Variants in IKZF2 observed in about 807,000 individuals in gnomAD.
IKZF2 encodes the protein IKAROS family zinc finger 2.
Under a neutral mutation model 49.2 loss-of-function variants are expected in IKZF2, and 15 were observed. The ratio of observed to expected loss-of-function variants is 0.30; its 90% CI spans 0.20 to 0.47. The LOEUF (loss-of-function observed/expected upper bound fraction) is 0.47. Ranked by LOEUF, IKZF2 falls within the 20% of genes least tolerant of loss-of-function variation. The pLI is 1.00. For synonymous variants in IKZF2, 227 were observed against 221.4 expected (o/e 1.03, Z -0.23); for missense variants, 567 against 664.6 (o/e 0.85, Z 1.61).
intron 4 of IKZF2, among the ~76,000 whole-genome samples, chr2:213,077,390 T>A (rs1703384151): frequency 3.3e-5 from 5 of 152,124 alleles, no homozygotes; most frequent in Admixed American, 3.3e-4. Context: ...TTTTCTCTAA[T>A]AATTTATATT....
chr2:213,151,754 G>GGCGGGCA (rs2061288974), upstream of IKZF2: 1 of 147,106 alleles, frequency 6.8e-6, no homozygotes, highest in Non-Finnish European at 1.5e-5. Context: ...GGCGGCTGGC[G>GGCGGGCA]GCGGGCAGCG....
chr2:213,119,295 C>T (rs944099829), intron 4 of IKZF2, among the ~76,000 whole-genome samples: 2 of 152,140 alleles, frequency 1.3e-5, no homozygotes, highest in African/African-American at 4.8e-5. Context: ...ATCTGTATAA[C>T]CTTTGCTAGG....
At chr2:213,096,707 A>C (rs1042115836) in intron 4 of IKZF2, among the ~76,000 whole-genome samples, 3 of 152,002 alleles carry the variant, frequency 2.0e-5, no homozygotes, top group African/African-American at 4.8e-5. Flanking sequence ...TTAAAATTGA[A>C]GTCTCAAAGA....
Position 213,007,383 on chromosome 2 carries a change from G to T in IKZF2, c.1558C>A (p.Arg520=). ...GCCTAGTGGAATGTGTGCTCCCCTCGAACAATGTGTGATGAAAACTCATAA... is the reference window on the plus strand; with the variant it reads ...GCCTAGTGGAATGTGTGCTCCCCTCTAACAATGTGTGATGAAAACTCATAA... ...DRYEFSSHIV[R]GEHTFH The change falls in exon 9 of 9, where the codon CGA becomes AGA. Residue 520 remains arginine (R), a synonymous_variant. Coordinates refer to ENST00000434687, the MANE Select transcript of IKZF2 (RefSeq NM_001387220.1). 1.9e-6 allele frequency: 3 copies of T among 1,613,260 alleles called. No individual in the cohort carries two copies. The highest frequency in any genetic ancestry group is 2.5e-6 in the Non-Finnish European group (3 of 1,179,576).
At chr2:213,124,750 G>C (rs1274254568) in intron 4 of IKZF2, among the ~76,000 whole-genome samples, 1 of 152,160 alleles carries the variant, frequency 6.6e-6, no homozygotes, top group Non-Finnish European at 1.5e-5. Flanking sequence ...TCAAGGGTAG[G>C]CTTTGCCTAT....
chr2:213,085,433 C>T (rs1284269816), intron 4 of IKZF2, among the ~76,000 whole-genome samples: 1 of 152,118 alleles, frequency 6.6e-6, no homozygotes, highest in East Asian at 1.9e-4. Context: ...CAATATGATT[C>T]ATTTAAACAT....
chr2:213,128,804 C>CTTTTTTT (rs1184422126), intron 4 of IKZF2, among the ~76,000 whole-genome samples: 21 of 113,178 alleles, frequency 1.9e-4, no homozygotes, highest in East Asian at 2.6e-4. Flanking sequence ...ATTTTTTTTT[C>CTTTTTTT]TTTTTTTTTT....
chr2:213,044,642 T>C (rs942834462), intron 6 of IKZF2, among the ~76,000 whole-genome samples: 1 of 152,204 alleles, frequency 6.6e-6, no homozygotes, highest in African/African-American at 2.4e-5. Flanking sequence ...GATTACAGCA[T>C]GATATGGCTG....
intron 4 of IKZF2, among the ~76,000 whole-genome samples, chr2:213,111,294 T>C (rs900963602): frequency 6.6e-6 from 1 of 152,046 alleles, no homozygotes; most frequent in African/African-American, 2.4e-5. Flanking sequence ...AAGTTCAGTA[T>C]AAGATATAAG....
At chr2:213,057,741 T>C (rs1701299233) in intron 4 of IKZF2, among the ~76,000 whole-genome samples, 1 of 152,174 alleles carries the variant, frequency 6.6e-6, no homozygotes, top group African/African-American at 2.4e-5. Context: ...GCCTATTTTT[T>C]CTATCTAAAA....
intron 4 of IKZF2, among the ~76,000 whole-genome samples, chr2:213,124,252 GCACACACACACACACACACACACA>G (rs66958263): frequency 4.4e-5 from 6 of 136,236 alleles, no homozygotes; most frequent in African/African-American, 1.4e-4. Flanking sequence ...GCGCGCGCGC[GCACACACACACACACACACACACA>G]CACACACACA....
chr2:213,075,443 A>G (rs1703151728), intron 4 of IKZF2, among the ~76,000 whole-genome samples: 2 of 152,204 alleles, frequency 1.3e-5, no homozygotes, highest in Admixed American at 6.5e-5. Flanking sequence ...TATACTCAGT[A>G]GAAAAAATAT....
Position 213,056,984 on chromosome 2 carries a change from A to G in IKZF2, c.255T>C (p.Ile85=). 6.2e-7 allele frequency: 1 copy of G among 1,613,748 alleles called. No homozygotes were observed. The highest frequency in any genetic ancestry group is 1.1e-5 in the South Asian group (1 of 91,062). The change falls in exon 5 of 9, where the codon ATT becomes ATC. Residue 85 remains isoleucine, a synonymous_variant. Transcript: ENST00000434687. ...TGTTGTCAGCCACCTCGCTGCTCTC[A>G]ATTAGGGGTTCTTCTAGGCTGCTAC... ...DEGSSLEEPL[I]ESSEVADNRK...
At chr2:213,068,152 C>T (rs1328151516) in intron 4 of IKZF2, among the ~76,000 whole-genome samples, 1 of 152,056 alleles carries the variant, frequency 6.6e-6, no homozygotes, top group Non-Finnish European at 1.5e-5. Context: ...AGTTAAAGGG[C>T]ATATAAATGG....
intron 6 of IKZF2, among the ~76,000 whole-genome samples, chr2:213,046,531 C>T (rs1700169388): frequency 2.0e-5 from 3 of 152,174 alleles, no homozygotes; most frequent in Admixed American, 1.3e-4. Context: ...CCCTGAAATA[C>T]AGTGGCTATC....
intron 4 of IKZF2, among the ~76,000 whole-genome samples, chr2:213,074,425 T>C (rs1038349760): frequency 2.0e-5 from 3 of 152,160 alleles, no homozygotes; most frequent in Admixed American, 6.5e-5. Flanking sequence ...TATCTACATA[T>C]ACACAGAAAA....
In IKZF2 at chr2:213,002,336, G is replaced by A. The variant is rs1269106716; in HGVS notation, c.*5024C>T. ...TGAACTTATTCCTAAGAGTGCAGGT[G>A]AAAAATATCCTCAAACTTACAGTAC... On this transcript the variant is annotated 3_prime_UTR_variant, in exon 9 of 9. Transcript: ENST00000434687. 1.3e-5 allele frequency: 2 copies of A among 151,316 alleles called. No homozygotes were observed. Among genetic ancestry groups the A allele is most frequent in the African/African-American group, 4.8e-5 (2 of 41,326 alleles). 9.4% of individuals were successfully genotyped at this position (151,316 alleles called of 1,614,324 possible).
chr2:213,150,690 A>G (rs2061253419), intron 1 of IKZF2, among the ~76,000 whole-genome samples: 1 of 111,936 alleles, frequency 8.9e-6, no homozygotes, highest in Admixed American at 1.0e-4. Flanking sequence ...AAGACAAGAA[A>G]ACTGAAAGAA....
At chr2:213,124,792 T>C (rs570672805) in intron 4 of IKZF2, among the ~76,000 whole-genome samples, 6 of 152,316 alleles carry the variant, frequency 3.9e-5, no homozygotes, top group African/African-American at 9.6e-5. Flanking sequence ...TGCTAATCAA[T>C]TGACAAACTC....
Sources: gnomAD v4.1 joint callset for allele counts (sites outside exome capture counted in the v4.1 genomes callset) on GRCh38, gnomAD v4.1.1 for gene constraint, MANE v1.5 for transcripts, NCBI Gene and HGNC (gene_info 2026-07-23, HGNC 2026-07-21) for gene names.